Variants in COL6A6 observed in about 807,000 individuals in gnomAD.
The protein encoded by COL6A6 is collagen alpha-6(VI) chain.
In COL6A6, 183 loss-of-function variants were observed where a neutral mutation model predicts 208.6. The ratio of observed to expected loss-of-function variants is 0.88; its 90% CI spans 0.78 to 0.99. The LOEUF is 0.99. Among genes scored for constraint, COL6A6 ranks in the 50% least tolerant of loss-of-function variants. The pLI is 0.00. For missense variants in COL6A6, 2,816 were observed against 2,815.2 expected (o/e 1.00, Z -0.01); for synonymous variants, 973 against 1,011.8 (o/e 0.96, Z 0.73).
Position 130,641,687 on chromosome 3 carries a change from T to C in COL6A6, c.5127T>C (p.Pro1709=). ...SAGLPGEMGS[P]GEPGPPGRKG... is the part of the protein sequence containing the mutation. ...GGCTTCCAGGAGAGATGGGATCCCC[T>C]GGGGAACCAGGACCTCCTGGACGTA... The change falls in exon 29 of 37, where the codon CCT becomes CCC. Residue 1709 remains proline (P), a synonymous_variant. Transcript: ENST00000358511. 1.9e-6 allele frequency: 3 copies of C among 1,600,308 alleles called. No individual in the cohort carries two copies. Among genetic ancestry groups the C allele is most frequent in the Non-Finnish European group, 1.7e-6 (2 of 1,169,110 alleles).
chr3:130,656,924 A>G (rs1576411022), intron 33 of COL6A6, among the ~76,000 whole-genome samples: 1 of 152,346 alleles, frequency 6.6e-6, no homozygotes, highest in East Asian at 1.9e-4. Context: ...CAGGTGCTGG[A>G]GCAGAGAGAG....
rs1290917896 is a variant in COL6A6, at chr3:130,658,735, A to G, written c.5793A>G (p.Pro1931=). ...IVVPSGADYI[P]ALERLQRCTF... The stretch of plus-strand genomic sequence containing the variant: ...TTCCCTCCGGGGCCGACTACATACC[A>G]GCATTAGAGAGACTCCAGCGGTGCA... Residue 1931 remains proline (P), a synonymous_variant, in exon 34 of 37, where the codon CCA becomes CCG. Transcript: ENST00000358511. 1.2e-6 allele frequency: 2 copies of G among 1,613,214 alleles called. No homozygotes were observed. The highest frequency in any genetic ancestry group is 1.3e-5 in the African/African-American group (1 of 75,042).
At chr3:130,666,986 T>C (rs1191436194) in intron 36 of COL6A6, among the ~76,000 whole-genome samples, 1 of 152,198 alleles carries the variant, frequency 6.6e-6, no homozygotes, top group Non-Finnish European at 1.5e-5. Flanking sequence ...TGGTAGGTGA[T>C]TTATCAATTG....
Position 130,675,348 on chromosome 3 carries a change from C to A in COL6A6, c.6743C>A (p.Thr2248Asn). Reference sequence around the variant, plus strand: ...AATTTTATGAGAAGCACCTCCCATACCTTTAAGAATGGAAGGATGATAGAA... The same window carrying A: ...AATTTTATGAGAAGCACCTCCCATAACTTTAAGAATGGAAGGATGATAGAA... Reference protein sequence around the residue: ...IQNFMRSTSHTFKNGRMIESA... With the variant: ...IQNFMRSTSHNFKNGRMIESA... Residue 2248 changes from threonine (T) to asparagine (N), a missense_variant, in exon 37 of 37, where the codon ACC (threonine) becomes AAC (asparagine). Coordinates refer to ENST00000358511, the MANE Select transcript of COL6A6 (RefSeq NM_001102608.3). 6.2e-7 allele frequency: 1 copy of A among 1,600,962 alleles called. No individual in the cohort carries two copies. The highest frequency in any genetic ancestry group is 8.5e-7 in the Non-Finnish European group (1 of 1,173,404).
At chr3:130,519,849 T>C (rs1710961970) in intron 1 of COL6A6, among the ~76,000 whole-genome samples, 2 of 152,242 alleles carry the variant, frequency 1.3e-5, no homozygotes, top group Admixed American at 6.5e-5. Flanking sequence ...TTTCCAATAA[T>C]TTAGTTACTA....
Position 130,642,872 on chromosome 3 carries a change from G to C in COL6A6, c.5190+5G>C. 1 of 1,613,800 alleles carries C rather than the reference G, an allele frequency of 6.2e-7. No individual in the cohort carries two copies. The highest frequency in any genetic ancestry group is 8.5e-7 in the Non-Finnish European group (1 of 1,179,746). ...AAAGGCTTGGCTTCATTTTCTGTAC[G>C]TATCTCCCGACTACAACAGAGTGCT... On this transcript the variant is annotated splice_donor_5th_base_variant and intron_variant, in intron 30 of 36. Coordinates refer to ENST00000358511, the MANE Select transcript of COL6A6 (RefSeq NM_001102608.3).
At chr3:130,539,175 T>G (rs2062295565) in intron 1 of COL6A6, among the ~76,000 whole-genome samples, 1 of 152,176 alleles carries the variant, frequency 6.6e-6, no homozygotes, top group African/African-American at 2.4e-5. Flanking sequence ...TGGCTGGCAC[T>G]CATTTAGCCA....
chr3:130,635,817 T>C (rs1342750954), intron 28 of COL6A6, 56 bp downstream of exon 28: 16 of 1,253,936 alleles, frequency 1.3e-5, no homozygotes. Context: ...AAGTCCTCCT[T>C]TGTGCATTTA....
intron 1 of COL6A6, among the ~76,000 whole-genome samples, chr3:130,546,230 T>G (rs2062492567): frequency 6.6e-6 from 1 of 152,048 alleles, no homozygotes; most frequent in South Asian, 2.1e-4. Context: ...TGTTTGGAGT[T>G]TTTTCCTTCT....
intron 35 of COL6A6, among the ~76,000 whole-genome samples, chr3:130,663,973 C>T (rs956895005): frequency 3.9e-5 from 6 of 152,198 alleles, no homozygotes; most frequent in African/African-American, 1.2e-4. Context: ...CTTGTACTAA[C>T]GCATTCAACA....
intron 5 of COL6A6, 49 bp downstream of exon 5, chr3:130,567,311 A>G (rs1348553463): frequency 1.4e-6 from 2 of 1,390,304 alleles, no homozygotes; most frequent in Non-Finnish European, 2.0e-6. Flanking sequence ...GCAAATTGCT[A>G]TCCTGGCAAT....
chr3:130,654,253 T>A (rs2065727122), intron 33 of COL6A6, among the ~76,000 whole-genome samples: 2 of 152,206 alleles, frequency 1.3e-5, no homozygotes, highest in African/African-American at 4.8e-5. Context: ...ATGGTTGCAA[T>A]AGATGACATC....
chr3:130,567,055 A>C lies in COL6A6; in HGVS notation c.1636A>C (p.Asn546His). 1 of 1,614,046 alleles carries C rather than the reference A, an allele frequency of 6.2e-7. No homozygotes were observed. The highest frequency in any genetic ancestry group is 8.5e-7 in the Non-Finnish European group (1 of 1,179,890). ...KVPCHLVVLT[N>H]GMSKDSILEP... The stretch of plus-strand genomic sequence containing the variant: ...TCCATGCCACCTTGTTGTCCTGACA[A>C]ATGGCATGTCCAAGGATAGCATCTT... Residue 546 changes from asparagine to histidine, a missense_variant, in exon 5 of 37, where the codon AAT becomes CAT. Physicochemically the swap from Asn to His is moderately conservative, Grantham distance 68. Transcript: ENST00000358511.
chr3:130,653,904 A>T (rs959018168), intron 33 of COL6A6, among the ~76,000 whole-genome samples: 2 of 152,186 alleles, frequency 1.3e-5, no homozygotes, highest in African/African-American at 4.8e-5. Flanking sequence ...ATCAATGAGA[A>T]GGTTGATGTT....
At chr3:130,657,258 G>C (rs2065817157) in intron 33 of COL6A6, among the ~76,000 whole-genome samples, 1 of 152,238 alleles carries the variant, frequency 6.6e-6, no homozygotes, top group Non-Finnish European at 1.5e-5. Flanking sequence ...CATGAACCAA[G>C]CACAGCCTGC....
chr3:130,628,310 C>G (rs1353628350), intron 26 of COL6A6, among the ~76,000 whole-genome samples: 1 of 152,112 alleles, frequency 6.6e-6, no homozygotes, highest in African/African-American at 2.4e-5. Flanking sequence ...GAACATTAGC[C>G]ACCCTATAAA....
In COL6A6 at chr3:130,565,355, C is replaced by T. The variant is rs1302816426; in HGVS notation, c.1023C>T (p.His341=). The change falls in exon 4 of 37, where the codon CAC becomes CAT. Residue 341 remains histidine (H), a synonymous_variant. Transcript: ENST00000358511. ...CCCAGATTGCCGTGCTGGTGACCCA[C>T]CGAGATTCAGAAGACAACGTGACAA... is the stretch of plus-strand genomic sequence containing the variant. ...GVPQIAVLVT[H]RDSEDNVTKA... is the part of the protein sequence containing the mutation. 6.2e-7 allele frequency: 1 copy of T among 1,613,972 alleles called. No individual in the cohort carries two copies. Among genetic ancestry groups the T allele is most frequent in the Non-Finnish European group, 8.5e-7 (1 of 1,179,888 alleles).
At position 130,589,169 on chromosome 3, in the gene COL6A6, C is replaced by G. The variant is rs1448429968; in HGVS notation, c.4205C>G (p.Pro1402Arg). ...GATGGCACAATGGGAGATCCTGGACCACCAGGGAAAAGGGTGATTTTAGCT... is the reference window on the plus strand; with the variant it reads ...GATGGCACAATGGGAGATCCTGGACGACCAGGGAAAAGGGTGATTTTAGCT... ...GGDGTMGDPG[P>R]PGKRGPPGFK... Residue 1402 changes from proline (P) to arginine (R), a missense_variant, in exon 12 of 37, where the codon CCA becomes CGA. Physicochemically the swap from Pro to Arg is moderately radical, Grantham distance 103. Coordinates refer to ENST00000358511, the MANE Select transcript of COL6A6 (RefSeq NM_001102608.3). The G allele has an allele frequency of 6.2e-7, 1 of 1,612,646 alleles. No individual in the cohort carries two copies. Among genetic ancestry groups the G allele is most frequent in the Non-Finnish European group, 8.5e-7 (1 of 1,178,760 alleles).
intron 34 of COL6A6, among the ~76,000 whole-genome samples, chr3:130,660,041 C>T (rs1246297961): frequency 3.9e-5 from 6 of 152,160 alleles, no homozygotes; most frequent in African/African-American, 7.2e-5. Context: ...TATGTATTCT[C>T]AGTTGCTTTT....
Sources: gnomAD v4.1 joint callset for allele counts (sites outside exome capture counted in the v4.1 genomes callset) on GRCh38, gnomAD v4.1.1 for gene constraint, MANE v1.5 for transcripts, NCBI Gene and HGNC (gene_info 2026-07-23, HGNC 2026-07-21) for gene names.